Variants in ZBTB20 observed in about 807,000 individuals in gnomAD.
The protein encoded by ZBTB20 is zinc finger and BTB domain containing 20, also known as zinc finger and BTB domain-containing protein 20.
A neutral mutation model predicts 56.9 loss-of-function variants in ZBTB20; 9 were observed. The ratio of observed to expected loss-of-function variants is 0.16; its 90% confidence interval spans 0.10 to 0.28. The LOEUF (loss-of-function observed/expected upper bound fraction) is 0.28. Among genes scored for constraint, ZBTB20 ranks in the 10% least tolerant of loss-of-function variants. ZBTB20 has a pLI of 1.00. For synonymous variants in ZBTB20, 417 were observed against 420.7 expected (o/e 0.99, Z 0.11); for missense variants, 655 against 1,003.0 (o/e 0.65, Z 4.69).
chr3:114,424,348 T>C (rs2089457629), intron 7 of ZBTB20, among the ~76,000 whole-genome samples: 1 of 152,170 alleles, frequency 6.6e-6, no homozygotes, highest in Non-Finnish European at 1.5e-5. Flanking sequence ...TCTATTATGA[T>C]AATTCACAAA....
intron 7 of ZBTB20, among the ~76,000 whole-genome samples, chr3:114,405,591 T>C (rs1306922030): frequency 1.3e-5 from 2 of 152,292 alleles, no homozygotes; most frequent in South Asian, 4.1e-4. Context: ...TATATATCAA[T>C]ATATACAAAC....
chr3:114,588,902 GGGAA>G (rs2055457768), intron 6 of ZBTB20, among the ~76,000 whole-genome samples: 1 of 152,128 alleles, frequency 6.6e-6, no homozygotes, highest in South Asian at 2.1e-4. Flanking sequence ...CGCATGGCTG[GGGAA>G]GCCTCAGGAA....
chr3:114,684,618 A>T (rs1312118923), intron 6 of ZBTB20: 1 of 152,214 alleles, frequency 6.6e-6, no homozygotes, highest in Non-Finnish European at 1.5e-5. Context: ...TACAAGGATG[A>T]AGGTGGGGTT....
chr3:114,393,242 C>T (rs1465656995), intron 7 of ZBTB20, among the ~76,000 whole-genome samples: 1 of 151,536 alleles, frequency 6.6e-6, no homozygotes, highest in Non-Finnish European at 1.5e-5. Flanking sequence ...GAACTTACTT[C>T]TCCTTTTGCC....
intron 4 of ZBTB20, among the ~76,000 whole-genome samples, chr3:114,883,916 C>CCTCTTTTT (rs1223732179): frequency 1.1e-5 from 1 of 89,774 alleles, no homozygotes; most frequent in African/African-American, 4.0e-5. Context: ...ATGGTGTGTT[C>CCTCTTTTT]TTTTTTTTTT....
In ZBTB20 at chr3:114,823,332, A is replaced by G. The variant is rs1032368760; in HGVS notation, c.-416-22158T>C. Among the ~76,000 whole-genome samples, 105 of 152,094 alleles carry G rather than the reference A, an allele frequency of 6.9e-4. 1 individual carries two copies. Among genetic ancestry groups the G allele is most frequent in the African/African-American group, 2.4e-3 (101 of 41,430 alleles). On this transcript the variant is annotated intron_variant, in intron 4 of 11. Coordinates refer to ENST00000675478, the MANE Select transcript of ZBTB20 (RefSeq NM_001348800.3). ...GGATATTTTGGCTAAGAATACCTGG[A>G]TGATCTCTATAAAGGTCCTGATTAT...
At chr3:114,538,762 G>A (rs1262409163) in intron 6 of ZBTB20, among the ~76,000 whole-genome samples, 1 of 152,034 alleles carries the variant, frequency 6.6e-6, no homozygotes, top group Non-Finnish European at 1.5e-5. Context: ...CCTAAGAACT[G>A]TTTTCTCACT....
chr3:114,993,395 G>T (rs765760274), intron 2 of ZBTB20, among the ~76,000 whole-genome samples: 29 of 151,950 alleles, frequency 1.9e-4, no homozygotes, highest in Non-Finnish European at 3.4e-4. Context: ...AATTAGTAAA[G>T]ATATAGAAGA....
At chr3:114,686,309 GAGTGCGAAGC>G (rs1247996401) in intron 6 of ZBTB20, among the ~76,000 whole-genome samples, 1 of 152,194 alleles carries the variant, frequency 6.6e-6, no homozygotes, top group African/African-American at 2.4e-5. Context: ...GCAAGGTAAA[GAGTGCGAAGC>G]AGTTATTCAC....
intron 7 of ZBTB20, among the ~76,000 whole-genome samples, chr3:114,477,937 C>G (rs1308386238): frequency 2.1e-4 from 4 of 19,334 alleles, no homozygotes; most frequent in Non-Finnish European, 7.7e-4. Context: ...CTGTCTCTCT[C>G]TCTCTCTCTC....
intron 2 of ZBTB20, among the ~76,000 whole-genome samples, chr3:115,065,936 G>C (rs968212401): frequency 2.0e-5 from 3 of 152,026 alleles, no homozygotes; most frequent in Non-Finnish European, 2.9e-5. Flanking sequence ...CTAGCTTTTG[G>C]ATATAAAATG....
At chr3:114,783,388 T>C (rs1443534293) in intron 5 of ZBTB20, among the ~76,000 whole-genome samples, 1 of 152,190 alleles carries the variant, frequency 6.6e-6, no homozygotes, top group Non-Finnish European at 1.5e-5. Flanking sequence ...ATCTTGCCTC[T>C]TGAACTACCT....
At chr3:114,443,397 G>C (rs1377497360) in intron 7 of ZBTB20, among the ~76,000 whole-genome samples, 1 of 152,080 alleles carries the variant, frequency 6.6e-6, no homozygotes, top group African/African-American at 2.4e-5. Flanking sequence ...AAGCTGTTGG[G>C]GGTCTGTGGG....
intron 4 of ZBTB20, among the ~76,000 whole-genome samples, chr3:114,839,467 G>GAAAGAAAGAAAGAAAGAAAGAA (rs1420146858): frequency 6.7e-6 from 1 of 150,238 alleles, no homozygotes; most frequent in African/African-American, 2.4e-5. Context: ...AAGAAAGAAA[G>GAAAGAAAGAAAGAAAGAAAGAA]AGAGAGAGAA....
intron 4 of ZBTB20, among the ~76,000 whole-genome samples, chr3:114,860,023 T>C (rs1390649147): frequency 2.0e-5 from 3 of 152,246 alleles, no homozygotes; most frequent in African/African-American, 7.2e-5. Context: ...AATTCTGAAA[T>C]TACAGCCGGG....
chr3:114,776,226 G>A (rs1043871429), intron 5 of ZBTB20, among the ~76,000 whole-genome samples: 4 of 149,346 alleles, frequency 2.7e-5, no homozygotes, highest in Admixed American at 1.3e-4. Flanking sequence ...ATGTGTCCAC[G>A]TTCTAACTCT....
At chr3:114,647,803 C>A (rs1419820875) in intron 6 of ZBTB20, among the ~76,000 whole-genome samples, 1 of 152,006 alleles carries the variant, frequency 6.6e-6, no homozygotes, top group Non-Finnish European at 1.5e-5. Flanking sequence ...GATATGTAAT[C>A]CTGAGGGCAC....
intron 7 of ZBTB20, chr3:114,419,090 G>A (rs550528899): frequency 6.6e-6 from 1 of 152,154 alleles, no homozygotes; most frequent in African/African-American, 2.4e-5. Context: ...GTTCGCACAC[G>A]GTATTCATTT....
At chr3:114,605,931 G>A (rs1466245241) in intron 6 of ZBTB20, among the ~76,000 whole-genome samples, 1 of 152,166 alleles carries the variant, frequency 6.6e-6, no homozygotes, top group Non-Finnish European at 1.5e-5. Flanking sequence ...CAAGAAATGA[G>A]TTTTCAGGCC....
Sources: gnomAD v4.1 joint callset for allele counts (sites outside exome capture counted in the v4.1 genomes callset) on GRCh38, gnomAD v4.1.1 for gene constraint, MANE v1.5 for transcripts, NCBI Gene and HGNC (gene_info 2026-07-23, HGNC 2026-07-21) for gene names.